The following ATXN3 variants were observed in gnomAD, a reference collection of about 807,000 sequenced individuals.
ATXN3 encodes the protein ataxin-3.
In ATXN3, 28 loss-of-function variants were observed where a neutral mutation model predicts 58.2. The observed-to-expected ratio is 0.48, with a 90% CI of 0.36 to 0.66. The LOEUF is 0.66. Ranked by LOEUF, ATXN3 falls within the 30% of genes least tolerant of loss-of-function variation. The pLI, the probability that ATXN3 is intolerant of heterozygous loss-of-function variation, is 0.00. For synonymous variants in ATXN3, 113 were observed against 138.5 expected, an observed-to-expected ratio of 0.82 and a Z score of 1.29; for missense variants, 321 against 422.1, an observed-to-expected ratio of 0.76 and a Z score of 2.10.
rs1197328427 is a variant in ATXN3 at position 92,068,879 on chromosome 14, C to T, written c.991+2056G>A. Among the ~76,000 whole-genome samples the T allele has an allele frequency of 3.9e-5, 6 of 152,030 alleles. No individual in the cohort carries two copies. The East Asian group carries it at 9.7e-4, about 24-fold the overall frequency. On this transcript the variant is annotated intron_variant, in intron 10 of 10. Coordinates refer to ENST00000644486, the MANE Select transcript of ATXN3 (RefSeq NM_004993.6). The stretch of plus-strand genomic sequence containing the variant: ...TGCTGGGATTACACGTGTGAGCCAC[C>T]GCACCCAGCCCAGCTCATGTTTTAT...
rs754605940 is a variant in ATXN3 at position 92,082,469 on chromosome 14, A to G, written c.609-3T>C. Reference sequence around the variant, plus strand: ...GTTCCAGGTCTGTTTTATGGACTCTAAAGAACAAAAGCACTGGTAATAACT... The same window carrying G: ...GTTCCAGGTCTGTTTTATGGACTCTGAAGAACAAAAGCACTGGTAATAACT... On this transcript the variant is annotated splice_polypyrimidine_tract_variant and splice_region_variant and intron_variant, in intron 7 of 10. Coordinates refer to ENST00000644486, the MANE Select transcript of ATXN3 (RefSeq NM_004993.6). 6.2e-7 allele frequency: 1 copy of G among 1,610,238 alleles called. No homozygotes were observed. The highest frequency in any genetic ancestry group is 8.5e-7 in the Non-Finnish European group (1 of 1,177,410).
rs530499241 is a variant in ATXN3 at position 92,096,556 on chromosome 14, A to G, written c.189+118T>C. On this transcript the variant is annotated intron_variant, in intron 2 of 10. Coordinates refer to ENST00000644486, the MANE Select transcript of ATXN3 (RefSeq NM_004993.6). ...GGAGAATCGCTTGAACCCGGGAGGC[A>G]GAGGTTGCAGTGAGCCGAGATCGCG... The G allele has an allele frequency of 3.3e-5, 35 of 1,047,226 alleles. No homozygotes were observed. The African/African-American group carries it at 3.4e-4, about 10-fold the overall frequency. The allele number at this position is 1,047,226 out of a possible 1,614,324, so 64.9% of individuals were successfully genotyped here.
At chr14:92,077,967 ATTTCT>A (rs1239899473) in intron 9 of ATXN3, among the ~76,000 whole-genome samples, 3 of 144,260 alleles carry the variant, frequency 2.1e-5, no homozygotes, top group Non-Finnish European at 4.5e-5. Context: ...TAATTTCTAT[ATTTCT>A]TTTCTCTTTT....
rs569604127 is a variant in ATXN3 at position 92,059,732 on chromosome 14, C to T, written c.*4588G>A. 21 of 149,684 alleles carry T rather than the reference C, an allele frequency of 1.4e-4. No homozygotes were observed. The highest frequency in any genetic ancestry group is 3.7e-4 in the African/African-American group (15 of 40,786). 9.3% of individuals were successfully genotyped at this position (149,684 alleles called of 1,614,324 possible). A position where few individuals can be genotyped will look rare whatever the true frequency, so the allele number is the denominator to read the frequency against. ...ACTTGGGAGGCTGAGGCAGGAGAAT[C>T]GCTTGAACCCAGGAGGTGGAGGTTG... On this transcript the variant is annotated 3_prime_UTR_variant, in exon 11 of 11. Coordinates refer to ENST00000644486, the MANE Select transcript of ATXN3 (RefSeq NM_004993.6).
chr14:92,084,157 C>T (rs8014385), intron 6 of ATXN3, among the ~76,000 whole-genome samples: 42,999 of 151,970 alleles, frequency 0.28, 6,435 homozygotes, highest in East Asian at 0.44. Flanking sequence ...TGTGATCATA[C>T]GAGTCGATAC....
At chr14:92,072,694 T>TAAA (rs33967699) in intron 9 of ATXN3, among the ~76,000 whole-genome samples, 5 of 90,992 alleles carry the variant, frequency 5.5e-5, no homozygotes, top group Non-Finnish European at 8.3e-5. Context: ...AGCTATAGGT[T>TAAA]AAAAAAAAAA....
chr14:92,079,410 C>T, intron 9 of ATXN3: 2 of 973,424 alleles, frequency 2.1e-6, no homozygotes, highest in Non-Finnish European at 2.4e-6. Context: ...CTAGAAATAT[C>T]TCACATTAAG....
chr14:92,094,681 G>T (rs1301435573), intron 3 of ATXN3, among the ~76,000 whole-genome samples: 1 of 152,172 alleles, frequency 6.6e-6, no homozygotes, highest in Admixed American at 6.5e-5. Context: ...TTCACTATCT[G>T]CCCTCCAAGG....
chr14:92,063,451 T>C lies in ATXN3; in HGVS notation c.*869A>G, dbSNP rs2057920391. ...GAGACTTGCCTGCATACTATGCTTC[T>C]CCTAGTTTTCTCAATTGGAGAAGAA... On this transcript the variant is annotated 3_prime_UTR_variant, in exon 11 of 11. Transcript: ENST00000644486. The C allele has an allele frequency of 6.6e-6, 1 of 152,210 alleles. No individual in the cohort carries two copies. The highest frequency in any genetic ancestry group is 1.5e-5 in the Non-Finnish European group (1 of 68,032). 9.4% of individuals were successfully genotyped at this position (152,210 alleles called of 1,614,324 possible). A position where few individuals can be genotyped will look rare whatever the true frequency, so the allele number is the denominator to read the frequency against.
chr14:92,054,320 C>G (rs954654917), downstream of ATXN3, among the ~76,000 whole-genome samples: 1 of 152,170 alleles, frequency 6.6e-6, no homozygotes, highest in Non-Finnish European at 1.5e-5. Flanking sequence ...TTCTAAGTCA[C>G]AGGATGAGAT....
chr14:92,089,303 G>A (rs1335165382), intron 5 of ATXN3, among the ~76,000 whole-genome samples: 8 of 144,908 alleles, frequency 5.5e-5, no homozygotes, highest in African/African-American at 7.7e-5. Flanking sequence ...ACAAACATGA[G>A]CCACTGCACC....
intron 6 of ATXN3, among the ~76,000 whole-genome samples, chr14:92,086,253 CAA>C (rs869147623): frequency 2.0e-4 from 19 of 94,898 alleles, no homozygotes; most frequent in East Asian, 6.4e-4. Context: ...ACTAAAAATA[CAA>C]AAAAAAAAAA....
intron 1 of ATXN3, among the ~76,000 whole-genome samples, chr14:92,049,354 C>T (rs934741413): frequency 2.0e-5 from 3 of 152,176 alleles, no homozygotes; most frequent in African/African-American, 4.8e-5. Flanking sequence ...GGCACCCCCA[C>T]GGTGATCAGA....
exon 3 of ATXN3, chr14:92,044,778 G>C (rs553660823): frequency 2.0e-5 from 3 of 152,214 alleles, no homozygotes; most frequent in African/African-American, 7.2e-5. Context: ...CTGGTTGTCC[G>C]ATGGGCACAG....
chr14:92,066,430 T>C (rs962653618), intron 10 of ATXN3, among the ~76,000 whole-genome samples: 6 of 151,076 alleles, frequency 4.0e-5, no homozygotes, highest in African/African-American at 1.5e-4. Flanking sequence ...TTGTTCTTTC[T>C]TCCTTCCTGA....
chr14:92,051,196 A>T (rs1377742647), upstream of ATXN3, among the ~76,000 whole-genome samples: 1 of 152,192 alleles, frequency 6.6e-6, no homozygotes, highest in Non-Finnish European at 1.5e-5. Context: ...TTTACCTTCT[A>T]TGACTATGTA....
At chr14:92,093,111 G>A (rs565230800) in intron 5 of ATXN3, 141 bp downstream of exon 5, 17 of 439,426 alleles carry the variant, frequency 3.9e-5, no homozygotes, top group Admixed American at 9.0e-5. Flanking sequence ...GCCCAGGCTG[G>A]TCTCAAACTC....
chr14:92,048,267 G>A (rs542771956), intron 1 of ATXN3, among the ~76,000 whole-genome samples: 2 of 152,354 alleles, frequency 1.3e-5, no homozygotes, highest in South Asian at 2.1e-4. Context: ...GCTGGGGTTT[G>A]TCTCACAGTG....
chr14:92,088,026 A>G (rs2062968777), intron 6 of ATXN3, among the ~76,000 whole-genome samples: 1 of 152,216 alleles, frequency 6.6e-6, no homozygotes. Context: ...GTGCAAAAGG[A>G]CAAGGGATAG....
Sources: gnomAD v4.1 joint callset for allele counts (sites outside exome capture counted in the v4.1 genomes callset) on GRCh38, gnomAD v4.1.1 for gene constraint, MANE v1.5 for transcripts, NCBI Gene and HGNC (gene_info 2026-07-23, HGNC 2026-07-21) for gene names.